MICU1: variants seen among roughly 807,000 people sequenced by gnomAD.
The protein encoded by MICU1 is calcium uptake protein 1, mitochondrial.
Under a neutral mutation model 56.8 loss-of-function variants are expected in MICU1, and 45 were observed. The observed-to-expected ratio is 0.79, with a 90% CI of 0.62 to 1.02. MICU1 has a LOEUF of 1.02. Ranked by LOEUF, MICU1 falls within the 50% of genes least tolerant of loss-of-function variation. The probability of loss-of-function intolerance (pLI) is 0.00; values close to 1 mark genes in which losing one functional copy is unlikely to be tolerated. For missense variants in MICU1, 504 were observed against 587.1 expected, an observed-to-expected ratio of 0.86 and a Z score of 1.46; for synonymous variants, 186 against 195.1, an observed-to-expected ratio of 0.95 and a Z score of 0.39.
In MICU1 at chr10:72,589,062, TG is replaced by T. The variant is rs1841148189; in HGVS notation, c.-1-22269del. Among the ~76,000 whole-genome samples the T allele has an allele frequency of 6.6e-5, 10 of 151,952 alleles. No homozygotes were observed. In the South Asian group the frequency reaches 2.1e-3, roughly 32 times the overall value. ...CAGCACTTTGGGAGGCCGAGGTGGG[TG>T]GATCACCTGAGGTCAGGAGTTTGAG... On this transcript the variant is annotated intron_variant, in intron 1 of 11. Coordinates refer to ENST00000361114, the MANE Select transcript of MICU1 (RefSeq NM_001195518.2).
At chr10:72,441,351 G>A (rs1421873276) in intron 8 of MICU1, among the ~76,000 whole-genome samples, 1 of 146,724 alleles carries the variant, frequency 6.8e-6, no homozygotes, top group Non-Finnish European at 1.5e-5. Context: ...GGTAGGAACT[G>A]AACAATGAGG....
At chr10:72,446,470 A>G (rs1015390259) in intron 8 of MICU1, among the ~76,000 whole-genome samples, 1 of 151,900 alleles carries the variant, frequency 6.6e-6, no homozygotes, top group Non-Finnish European at 1.5e-5. Context: ...AGCTGGGATT[A>G]CAGGTGTCCG....
intron 8 of MICU1, among the ~76,000 whole-genome samples, chr10:72,444,252 T>G (rs1207859297): frequency 3.3e-5 from 5 of 151,980 alleles, no homozygotes; most frequent in Non-Finnish European, 5.9e-5. Flanking sequence ...GGGATAGCAC[T>G]GGGAGATATA....
chr10:72,531,206 G>T (rs1839471498), intron 5 of MICU1, among the ~76,000 whole-genome samples: 1 of 151,320 alleles, frequency 6.6e-6, no homozygotes, highest in African/African-American at 2.4e-5. Flanking sequence ...AGAGGGAGAG[G>T]GAAAAAAATT....
At position 72,476,226 on chromosome 10, in the gene MICU1, CAA is replaced by C. The variant is rs71018297; in HGVS notation, c.736-931_736-930del. On this transcript the variant is annotated intron_variant, in intron 7 of 11. Coordinates refer to ENST00000361114, the MANE Select transcript of MICU1 (RefSeq NM_001195518.2). ...TGGGTGACAGAGCGAGACTCCATCTCAAAAAAAAAAAAAAAAAAAAAGAGACA... is the reference window on the plus strand; with the variant it reads ...TGGGTGACAGAGCGAGACTCCATCTCAAAAAAAAAAAAAAAAAAAGAGACA... Among the ~76,000 whole-genome samples the C allele has an allele frequency of 3.3e-3, 247 of 73,802 alleles. 2 individuals are homozygous for C. Among genetic ancestry groups the C allele is most frequent in the Middle Eastern group, 0.016 (2 of 128 alleles). 48.4% of individuals were successfully genotyped at this position (73,802 alleles called of 152,430 possible).
intron 5 of MICU1, chr10:72,531,310 A>G (rs1839476091): frequency 6.6e-6 from 1 of 152,228 alleles, no homozygotes; most frequent in African/African-American, 2.4e-5. Context: ...TAAAATTACT[A>G]TAATATCATT....
chr10:72,477,286 A>G (rs1356385445), intron 6 of MICU1, 30 bp from the exon 7 acceptor site: 3 of 1,480,586 alleles, frequency 2.0e-6, no homozygotes, highest in East Asian at 4.9e-5. Context: ...AATATTTAGA[A>G]GGCATTGACC....
At chr10:72,392,583 A>G (rs1165786652) in intron 10 of MICU1, among the ~76,000 whole-genome samples, 2 of 152,194 alleles carry the variant, frequency 1.3e-5, no homozygotes, top group South Asian at 2.1e-4. Context: ...AAAAATTAAA[A>G]AAATAAAATA....
intron 8 of MICU1, among the ~76,000 whole-genome samples, chr10:72,452,876 G>A (rs1167742504): frequency 6.6e-6 from 1 of 151,480 alleles, no homozygotes; most frequent in Non-Finnish European, 1.5e-5. Context: ...CTGCCCCGTC[G>A]AGTCCTCTGA....
chr10:72,563,085 C>A, intron 2 of MICU1, 22 bp from the exon 3 acceptor site: 2 of 1,482,496 alleles, frequency 1.3e-6, no homozygotes. Context: ...AAAAAGAAAT[C>A]TAGATTAATC....
chr10:72,464,659 C>T (rs1865736451), intron 8 of MICU1, among the ~76,000 whole-genome samples: 1 of 152,066 alleles, frequency 6.6e-6, no homozygotes, highest in African/African-American at 2.4e-5. Flanking sequence ...GATGTTTGCA[C>T]AATGATGAGA....
chr10:72,615,756 CGAG>C (rs1368215905), intron 1 of MICU1, among the ~76,000 whole-genome samples: 9 of 151,872 alleles, frequency 5.9e-5, no homozygotes, highest in South Asian at 4.2e-4. Flanking sequence ...TTTGGGAGGC[CGAG>C]GAGGGTGGAT....
chr10:72,623,889 CATTTAATTAATTAATTA>C (rs1299604260), intron 1 of MICU1, among the ~76,000 whole-genome samples: 1 of 98,736 alleles, frequency 1.0e-5, no homozygotes, highest in East Asian at 1.9e-4. Context: ...ACCCCATCTC[CATTTAATTAATTAATTA>C]ATTAATTAAA....
At chr10:72,589,406 T>C (rs925472697) in intron 1 of MICU1, among the ~76,000 whole-genome samples, 26 of 152,068 alleles carry the variant, frequency 1.7e-4, no homozygotes, top group African/African-American at 5.8e-4. Flanking sequence ...AAGACTCAAA[T>C]GGAGGGTACA....
At chr10:72,508,865 C>T (rs1019796632) in intron 5 of MICU1, among the ~76,000 whole-genome samples, 4 of 152,150 alleles carry the variant, frequency 2.6e-5, no homozygotes, top group Non-Finnish European at 5.9e-5. Context: ...TACACACTTT[C>T]GGCAATTTAA....
chr10:72,405,324 A>G (rs1207978168), intron 10 of MICU1, among the ~76,000 whole-genome samples: 5 of 152,022 alleles, frequency 3.3e-5, no homozygotes, highest in African/African-American at 1.2e-4. Context: ...GGTTCCAGTG[A>G]TTCTCCTGCC....
chr10:72,438,028 C>G (rs1187626330), intron 8 of MICU1, among the ~76,000 whole-genome samples: 1 of 152,200 alleles, frequency 6.6e-6, no homozygotes, highest in Non-Finnish European at 1.5e-5. Context: ...GATTTGAACT[C>G]AGCTCTGCAA....
At chr10:72,382,358 C>T (rs192828493) in intron 10 of MICU1, among the ~76,000 whole-genome samples, 7 of 151,902 alleles carry the variant, frequency 4.6e-5, no homozygotes, top group Admixed American at 2.0e-4. Context: ...GTGATCCACC[C>T]GCCTTGACCT....
Position 72,423,959 on chromosome 10 carries a change from A to G in MICU1, c.934-588T>C, listed in dbSNP as rs555481408. Among the ~76,000 whole-genome samples the G allele has an allele frequency of 3.3e-5, 5 of 152,304 alleles. No homozygotes were observed. The South Asian group carries it at 1.0e-3, about 32-fold the overall frequency. ...ACACGAAATAAGAAAGTTAAGAGTGAATTTCTCTTTCAGCTCTCATTTCTT... is the reference window on the plus strand; with the variant it reads ...ACACGAAATAAGAAAGTTAAGAGTGGATTTCTCTTTCAGCTCTCATTTCTT... On this transcript the variant is annotated intron_variant, in intron 8 of 11. Transcript: ENST00000361114.
Sources: gnomAD v4.1 joint callset for allele counts (sites outside exome capture counted in the v4.1 genomes callset) on GRCh38, gnomAD v4.1.1 for gene constraint, MANE v1.5 for transcripts, NCBI Gene and HGNC (gene_info 2026-07-23, HGNC 2026-07-21) for gene names.